Variants in ARHGAP18 observed in about 807,000 individuals in gnomAD.
The protein encoded by ARHGAP18 is Rho GTPase activating protein 18.
In ARHGAP18, 67 loss-of-function variants were observed where a neutral mutation model predicts 86.2. That is an observed-to-expected ratio of 0.78 (90% CI 0.64 to 0.95). The LOEUF is 0.95. Ranked by LOEUF, ARHGAP18 falls within the 40% of genes least tolerant of loss-of-function variation. The pLI, the probability that ARHGAP18 is intolerant of heterozygous loss-of-function variation, is 0.00. For synonymous variants in ARHGAP18, 283 were observed against 280.4 expected, an observed-to-expected ratio of 1.01 and a Z score of -0.09; for missense variants, 691 against 780.4, an observed-to-expected ratio of 0.89 and a Z score of 1.37.
At chr6:129,632,216 G>C (rs1773233535) in intron 4 of ARHGAP18, among the ~76,000 whole-genome samples, 1 of 152,160 alleles carries the variant, frequency 6.6e-6, no homozygotes, top group Admixed American at 6.5e-5. Context: ...GCCCAGAACA[G>C]GTGCAATAGG....
At chr6:129,597,323 A>C (rs1295744542) in intron 12 of ARHGAP18, among the ~76,000 whole-genome samples, 1 of 151,998 alleles carries the variant, frequency 6.6e-6, no homozygotes, top group Non-Finnish European at 1.5e-5. Flanking sequence ...TTTAGCAGAG[A>C]TGAGGTTCCA....
At chr6:129,658,378 A>T (rs570984793) in intron 1 of ARHGAP18, among the ~76,000 whole-genome samples, 15 of 151,820 alleles carry the variant, frequency 9.9e-5, no homozygotes, top group Admixed American at 5.3e-4. Flanking sequence ...GAATTTTATG[A>T]TTACAAAAAA....
rs1773421079 is a variant in ARHGAP18, at chr6:129,640,064, A to C, written c.317-1435T>G. Among the ~76,000 whole-genome samples, 4 of 138,266 alleles carry C rather than the reference A, an allele frequency of 2.9e-5. No individual in the cohort carries two copies. The South Asian group carries it at 6.6e-4, about 23-fold the overall frequency. 90.7% of individuals were successfully genotyped at this position (138,266 alleles called of 152,430 possible). ...TCTCAAAAAAAAAAAAAAAAAAAAA[A>C]CAAACAAAAGTCAGCCATTATTATT... is the stretch of plus-strand genomic sequence containing the variant. On this transcript the variant is annotated intron_variant, in intron 2 of 14. Transcript: ENST00000368149.
chr6:129,709,971 T>C, intron 1 of ARHGAP18, 53 bp downstream of exon 1: 3 of 1,442,026 alleles, frequency 2.1e-6, no homozygotes, highest in Non-Finnish European at 2.9e-6. Context: ...TGTCACTTTC[T>C]TCCTGGAGCA....
chr6:129,664,974 C>A (rs1483745169), intron 1 of ARHGAP18, among the ~76,000 whole-genome samples: 1 of 152,076 alleles, frequency 6.6e-6, no homozygotes, highest in Non-Finnish European at 1.5e-5. Context: ...ATGCAGATAT[C>A]CGGGTATAGA....
rs1245832877 is a variant in ARHGAP18, at chr6:129,577,549, CAGA to C, written c.*961_*963del. 6.6e-6 allele frequency: 1 copy of C among 151,754 alleles called. No homozygotes were observed. Among genetic ancestry groups the C allele is most frequent in the African/African-American group, 2.4e-5 (1 of 41,292 alleles). 9.4% of individuals were successfully genotyped at this position (151,754 alleles called of 1,614,324 possible). On this transcript the variant is annotated 3_prime_UTR_variant, in exon 15 of 15. Coordinates refer to ENST00000368149, the MANE Select transcript of ARHGAP18 (RefSeq NM_033515.3). ...GAACACAAACAAAAGCTTTTTCACC[CAGA>C]AGAATAATTCTTCCAGTAGACTTAT...
chr6:129,581,950 G>C (rs1788298193), intron 13 of ARHGAP18, among the ~76,000 whole-genome samples: 1 of 152,038 alleles, frequency 6.6e-6, no homozygotes, highest in Non-Finnish European at 1.5e-5. Context: ...ATGCTATTCT[G>C]GTCCATTCTT....
rs115983287 is a variant in ARHGAP18 at position 129,627,715 on chromosome 6, A to G, written c.786+1638T>C. 6.7e-3 allele frequency among the ~76,000 whole-genome samples: 1,014 copies of G among 152,186 alleles called. 10 individuals carry two copies. The highest frequency in any genetic ancestry group is 0.023 in the African/African-American group (958 of 41,534). On this transcript the variant is annotated intron_variant, in intron 5 of 14. Transcript: ENST00000368149. The stretch of plus-strand genomic sequence containing the variant: ...AGAAAGAAACAGAGAAGGAGATTTA[A>G]GAATTCTTAAAAGATGTATTAACTA...
chr6:129,622,736 C>T (rs1427484669), intron 5 of ARHGAP18, among the ~76,000 whole-genome samples: 2 of 152,012 alleles, frequency 1.3e-5, no homozygotes, highest in Non-Finnish European at 2.9e-5. Flanking sequence ...CATGGTGGCT[C>T]ACACCTGTAA....
intron 6 of ARHGAP18, among the ~76,000 whole-genome samples, chr6:129,618,055 A>G (rs1031927070): frequency 7.9e-5 from 12 of 151,732 alleles, no homozygotes; most frequent in African/African-American, 2.9e-4. Flanking sequence ...GTTCTCTATT[A>G]TATCATTAAA....
At position 129,684,020 on chromosome 6, in the gene ARHGAP18, C is replaced by T. The variant is rs181750459; in HGVS notation, c.113+26004G>A. ...AGTGCAGATTAGGATTGAGTTGGGGCGTTGAAAAATAAAGTACAGATCTGA... is the reference window on the plus strand; with the variant it reads ...AGTGCAGATTAGGATTGAGTTGGGGTGTTGAAAAATAAAGTACAGATCTGA... On this transcript the variant is annotated intron_variant, in intron 1 of 14. Coordinates refer to ENST00000368149, the MANE Select transcript of ARHGAP18 (RefSeq NM_033515.3). 3.8e-3 allele frequency among the ~76,000 whole-genome samples: 572 copies of T among 152,036 alleles called. 3 individuals are homozygous for T. Among genetic ancestry groups the T allele is most frequent in the Admixed American group, 7.4e-3 (113 of 15,266 alleles).
intron 12 of ARHGAP18, among the ~76,000 whole-genome samples, chr6:129,597,124 T>A (rs1424333334): frequency 6.6e-6 from 1 of 152,124 alleles, no homozygotes; most frequent in Non-Finnish European, 1.5e-5. Flanking sequence ...TAATTTTTTT[T>A]TTAAATTTTG....
chr6:129,600,215 TCATCCA>T lies in ARHGAP18; in HGVS notation c.1572+421_1572+426del, dbSNP rs534214879. Reference sequence around the variant, plus strand: ...ATGAGCACCTAATCAACGAAGCCTCTCATCCACTTCCATCCTCTGATAAGCTGTCAA... The same window carrying T: ...ATGAGCACCTAATCAACGAAGCCTCTCTTCCATCCTCTGATAAGCTGTCAA... On this transcript the variant is annotated intron_variant, in intron 11 of 14. Coordinates refer to ENST00000368149, the MANE Select transcript of ARHGAP18 (RefSeq NM_033515.3). 2.6e-5 allele frequency among the ~76,000 whole-genome samples: 4 copies of T among 152,262 alleles called. No homozygotes were observed. The East Asian group carries it at 7.7e-4, about 29-fold the overall frequency.
chr6:129,692,791 C>T (rs1449094631), intron 1 of ARHGAP18, among the ~76,000 whole-genome samples: 1 of 152,200 alleles, frequency 6.6e-6, no homozygotes, highest in East Asian at 1.9e-4. Flanking sequence ...TTTCAAATTA[C>T]TTCGCCTAAA....
intron 1 of ARHGAP18, among the ~76,000 whole-genome samples, chr6:129,682,303 G>A (rs1774337664): frequency 6.6e-6 from 1 of 152,108 alleles, no homozygotes. Context: ...AACAACCCAC[G>A]CCTTTCTCTT....
chr6:129,599,073 G>T, intron 12 of ARHGAP18, 143 bp downstream of exon 12: 1 of 652,778 alleles, frequency 1.5e-6, no homozygotes, highest in Non-Finnish European at 2.3e-6. Context: ...TAGGAAGACA[G>T]TTACTGATGT....
At position 129,642,294 on chromosome 6, in the gene ARHGAP18, T is replaced by C. The variant is rs150258417; in HGVS notation, c.114-276A>G. Among the ~76,000 whole-genome samples the C allele has an allele frequency of 3.7e-4, 56 of 152,314 alleles. No individual in the cohort carries two copies. The East Asian group carries it at 9.4e-3, about 26-fold the overall frequency. On this transcript the variant is annotated intron_variant, in intron 1 of 14. Transcript: ENST00000368149. The stretch of plus-strand genomic sequence containing the variant: ...TAAATGAAGACTCATTTTTCAAATA[T>C]ATTTTTTAGCGACAAGGTCTTGCTC...
At chr6:129,699,744 TA>T (rs2114554393) in intron 1 of ARHGAP18, among the ~76,000 whole-genome samples, 1 of 152,312 alleles carries the variant, frequency 6.6e-6, no homozygotes, top group South Asian at 2.1e-4. Context: ...TTTCGCTAGT[TA>T]CGTCCACACC....
intron 1 of ARHGAP18, among the ~76,000 whole-genome samples, chr6:129,651,063 A>T (rs959783951): frequency 3.9e-5 from 6 of 152,314 alleles, no homozygotes; most frequent in Middle Eastern, 6.8e-3. Context: ...GGCTTCGAGC[A>T]AACTGCCATA....
Sources: allele counts gnomAD v4.1 joint callset (sites outside exome capture counted in the v4.1 genomes callset), GRCh38; gene constraint gnomAD v4.1.1; transcripts MANE v1.5; gene names NCBI Gene and HGNC (gene_info 2026-07-23, HGNC 2026-07-21).